Variants in TNPO3 observed in about 807,000 individuals in gnomAD.
TNPO3 encodes transportin 3, also known as transportin-3.
TNPO3 carries 65 observed loss-of-function variants against 122.8 expected under a neutral mutation model. That is an observed-to-expected ratio of 0.53 (90% confidence interval 0.43 to 0.65). The LOEUF is 0.65. Ranked by LOEUF, TNPO3 falls within the 30% of genes least tolerant of loss-of-function variation. TNPO3 has a pLI of 0.00. For synonymous variants in TNPO3, 372 were observed against 411.2 expected (o/e 0.90, Z 1.15); for missense variants, 850 against 1,136.7 (o/e 0.75, Z 3.63).
chr7:128,971,123 A>C (rs1390843254), intron 19 of TNPO3: 3 of 149,472 alleles, frequency 2.0e-5, no homozygotes, highest in African/African-American at 7.4e-5. Context: ...AAAAAAAAAA[A>C]CCCTTTTTTT....
chr7:129,009,605 A>C (rs901358918), intron 4 of TNPO3, among the ~76,000 whole-genome samples: 1 of 152,256 alleles, frequency 6.6e-6, no homozygotes, highest in African/African-American at 2.4e-5. Flanking sequence ...CGTGCCTTGA[A>C]TGCCCAAGTG....
intron 12 of TNPO3, among the ~76,000 whole-genome samples, chr7:128,984,610 G>C (rs1455754554): frequency 6.6e-6 from 1 of 152,176 alleles, no homozygotes; most frequent in African/African-American, 2.4e-5. Context: ...GGGTCAAAGA[G>C]AGTCTTTATT....
At chr7:129,036,219 C>T (rs544444673) in intron 1 of TNPO3, among the ~76,000 whole-genome samples, 1 of 152,166 alleles carries the variant, frequency 6.6e-6, no homozygotes, top group Non-Finnish European at 1.5e-5. Context: ...TCCCAAAGTG[C>T]TGGGATTATA....
At chr7:129,034,746 T>A (rs1286484104) in intron 1 of TNPO3, among the ~76,000 whole-genome samples, 98 of 142,110 alleles carry the variant, frequency 6.9e-4, no homozygotes, top group Middle Eastern at 3.8e-3. Context: ...AAAAAAAAAA[T>A]TAGCTGGGCA....
chr7:128,974,907 T>C lies in TNPO3; in HGVS notation c.2234A>G (p.His745Arg), dbSNP rs200272444. The stretch of plus-strand genomic sequence containing the variant: ...GAACAGGTCATCTACAGTGTCAGGG[T>C]GATTCTGGAGACCATTCTGCTGTTC... ...LLEQQNGLQNHPDTVDDLFRL... is the reference protein window; with the variant it reads ...LLEQQNGLQNRPDTVDDLFRL... The change falls in exon 18 of 23, where the codon CAC becomes CGC. Residue 745 changes from histidine to arginine, a missense_variant. Physicochemically the swap from His to Arg is conservative, Grantham distance 29 (BLOSUM62 0). Coordinates refer to ENST00000265388, the MANE Select transcript of TNPO3 (RefSeq NM_012470.4). 1 of 1,614,206 alleles carries C rather than the reference T, an allele frequency of 6.2e-7. No individual in the cohort carries two copies. The highest frequency in any genetic ancestry group is 2.2e-5 in the East Asian group (1 of 44,886).
At chr7:128,965,893 T>G (rs1031675802) in intron 21 of TNPO3, among the ~76,000 whole-genome samples, 1 of 152,150 alleles carries the variant, frequency 6.6e-6, no homozygotes, top group African/African-American at 2.4e-5. Context: ...GACTCAAACA[T>G]TAAGTACGAA....
At chr7:129,043,169 G>A (rs908782791) in intron 1 of TNPO3, among the ~76,000 whole-genome samples, 2 of 152,010 alleles carry the variant, frequency 1.3e-5, no homozygotes, top group African/African-American at 4.8e-5. Context: ...GGGAGGCCAA[G>A]GTGGGAGGAT....
chr7:129,017,321 T>C (rs900471218), intron 2 of TNPO3, among the ~76,000 whole-genome samples: 2 of 152,042 alleles, frequency 1.3e-5, no homozygotes, highest in Non-Finnish European at 2.9e-5. Flanking sequence ...ACTATAGACA[T>C]TCCTCAAAAT....
intron 8 of TNPO3, among the ~76,000 whole-genome samples, chr7:128,997,138 G>A (rs145976975): frequency 6.6e-6 from 1 of 152,156 alleles, no homozygotes; most frequent in Non-Finnish European, 1.5e-5. Context: ...GACTACAGGC[G>A]TGTGCCACCA....
intron 5 of TNPO3, among the ~76,000 whole-genome samples, chr7:129,004,197 G>T (rs12531054): frequency 0.09 from 13,717 of 152,076 alleles, 858 homozygotes; most frequent in South Asian, 0.15. Context: ...ATTCACAGTG[G>T]CATCAATCTA....
intron 8 of TNPO3, among the ~76,000 whole-genome samples, chr7:128,994,140 TTG>T (rs1801046209): frequency 6.6e-6 from 1 of 152,072 alleles, no homozygotes; most frequent in Non-Finnish European, 1.5e-5. Context: ...AATCTTTGGT[TTG>T]TGTGTGTGTT....
At chr7:128,955,814 T>C (rs1030479068) in intron 22 of TNPO3, among the ~76,000 whole-genome samples, 20 of 152,238 alleles carry the variant, frequency 1.3e-4, no homozygotes, top group Non-Finnish European at 5.9e-5. Context: ...ATTTAGATGC[T>C]ATCGAAAGGA....
chr7:128,972,536 T>A lies in TNPO3; in HGVS notation c.2320A>T (p.Ile774Phe). The change falls in exon 19 of 23, where the codon ATC becomes TTC. Residue 774 changes from isoleucine to phenylalanine, a missense_variant. Physicochemically the swap from Ile to Phe is conservative, Grantham distance 21. Transcript: ENST00000265388. ...GCAATGGCCCACTGTAAGATAGGGA[T>A]GACCACTTGGCTCCGCAGCAAGGTG... Reference protein sequence around the residue: ...PVTLLRSQVVIPILQWAIAST... With the variant: ...PVTLLRSQVVFPILQWAIAST... 1 of 1,614,174 alleles carries A rather than the reference T, an allele frequency of 6.2e-7. No individual in the cohort carries two copies. Among genetic ancestry groups the A allele is most frequent in the South Asian group, 1.1e-5 (1 of 91,080 alleles).
intron 21 of TNPO3, among the ~76,000 whole-genome samples, chr7:128,964,052 T>C (rs1797706840): frequency 6.6e-6 from 1 of 152,040 alleles, no homozygotes; most frequent in African/African-American, 2.4e-5. Context: ...TCGTTTACAA[T>C]AGCATAAAAA....
upstream of TNPO3, chr7:129,056,077 AAT>A: frequency 8.6e-7 from 1 of 1,161,378 alleles, no homozygotes; most frequent in South Asian, 1.3e-5. Context: ...GGGCGGAAGA[AAT>A]GTCTGGGGGA....
intron 1 of TNPO3, among the ~76,000 whole-genome samples, chr7:129,040,250 A>G (rs1296211525): frequency 2.7e-5 from 4 of 147,914 alleles, no homozygotes; most frequent in Non-Finnish European, 4.5e-5. Context: ...GCGAGACGCC[A>G]TCTCAAAAAA....
rs1279836026 is a variant in TNPO3 at position 128,993,747 on chromosome 7, C to T, written c.1266+60G>A. 33 of 1,398,070 alleles carry T rather than the reference C, an allele frequency of 2.4e-5. No individual in the cohort carries two copies. In the East Asian group the frequency reaches 6.9e-4, roughly 29 times the overall value. The allele number at this position is 1,398,070 out of a possible 1,614,324, so 86.6% of individuals were successfully genotyped here. A position where few individuals can be genotyped will look rare whatever the true frequency, so the allele number is the denominator to read the frequency against. On this transcript the variant is annotated intron_variant, in intron 9 of 22. Transcript: ENST00000265388. ...TAAGATGGAACATTCACAGAAGACA[C>T]AGAAGTGAATACAATTAAGGTGACT...
At chr7:129,007,627 T>C (rs1278013639) in intron 4 of TNPO3, among the ~76,000 whole-genome samples, 1 of 152,246 alleles carries the variant, frequency 6.6e-6, no homozygotes, top group Non-Finnish European at 1.5e-5. Context: ...CATCAGAACT[T>C]GATTGCTAAC....
At position 128,974,936 on chromosome 7, in the gene TNPO3, G is replaced by A. The variant is rs2293493; in HGVS notation, c.2205C>T (p.Leu735=). Residue 735 remains leucine (L), a synonymous_variant, in exon 18 of 23, where the codon CTC becomes CTT. Coordinates refer to ENST00000265388, the MANE Select transcript of TNPO3 (RefSeq NM_012470.4). ...TCTGGAGACCATTCTGCTGTTCTAG[G>A]AGCTGAAAGGTGGGGATGCACAGTG... ...LQALCIPTFQ[L]LEQQNGLQNH... The A allele has an allele frequency of 0.047, 76,157 of 1,613,834 alleles. 2,233 individuals are homozygous for A. The highest frequency in any genetic ancestry group is 0.079 in the East Asian group (3,549 of 44,870).
Sources: allele counts gnomAD v4.1 joint callset (sites outside exome capture counted in the v4.1 genomes callset), GRCh38; gene constraint gnomAD v4.1.1; transcripts MANE v1.5; gene names NCBI Gene and HGNC (gene_info 2026-07-23, HGNC 2026-07-21).